Variants in ZNF385D observed in about 807,000 individuals in gnomAD.
ZNF385D encodes zinc finger protein 385D, also known as zinc finger protein 659.
A neutral mutation model predicts 35.8 loss-of-function variants in ZNF385D; 15 were observed. The ratio of observed to expected loss-of-function variants is 0.42; its 90% CI spans 0.28 to 0.64. The LOEUF (loss-of-function observed/expected upper bound fraction) is 0.64. Ranked by LOEUF, ZNF385D falls within the 30% of genes least tolerant of loss-of-function variation. ZNF385D has a pLI of 0.23. For missense variants in ZNF385D, 474 were observed against 494.6 expected (o/e 0.96, Z 0.39); for synonymous variants, 212 against 186.8 (o/e 1.13, Z -1.10).
chr3:21,762,030 C>T (rs1338143965), intron 3 of ZNF385D, among the ~76,000 whole-genome samples: 1 of 151,764 alleles, frequency 6.6e-6, no homozygotes. Flanking sequence ...AAGCATGCAC[C>T]ACCATGCCCA....
intron 2 of ZNF385D, among the ~76,000 whole-genome samples, chr3:22,235,885 A>G (rs192063797): frequency 6.6e-6 from 1 of 152,226 alleles, no homozygotes; most frequent in Non-Finnish European, 1.5e-5. Flanking sequence ...TGTTCGACAA[A>G]TAAAAAGTAA....
chr3:21,801,662 G>C lies in ZNF385D; in HGVS notation c.326-136634C>G, dbSNP rs146294891. 7.1e-3 allele frequency among the ~76,000 whole-genome samples: 1,084 copies of C among 152,150 alleles called. 19 individuals carry two copies. Among genetic ancestry groups the C allele is most frequent in the African/African-American group, 0.025 (1,038 of 41,506 alleles). On this transcript the variant is annotated intron_variant, in intron 3 of 5. Transcript: ENST00000494108. Reference sequence around the variant, plus strand: ...AGGAAAACTACAAAGGAATAAAATGGGAGCTAAACTCACGCAGCTGATATG... The same window carrying C: ...AGGAAAACTACAAAGGAATAAAATGCGAGCTAAACTCACGCAGCTGATATG...
chr3:21,701,428 C>T (rs1310677207), intron 1 of ZNF385D, among the ~76,000 whole-genome samples: 2 of 152,130 alleles, frequency 1.3e-5, no homozygotes, highest in Non-Finnish European at 2.9e-5. Context: ...TTACCTCCCC[C>T]TGGGTCCCTC....
At chr3:22,062,692 G>T (rs1699753141) in intron 3 of ZNF385D, among the ~76,000 whole-genome samples, 1 of 152,160 alleles carries the variant, frequency 6.6e-6, no homozygotes, top group Non-Finnish European at 1.5e-5. Context: ...TGCTTTTCAG[G>T]AGTAGAGTGT....
chr3:21,543,483 G>T (rs2062255540), intron 3 of ZNF385D, among the ~76,000 whole-genome samples: 1 of 152,118 alleles, frequency 6.6e-6, no homozygotes, highest in African/African-American at 2.4e-5. Context: ...CCCACTCCTT[G>T]CGGGGCTGGG....
At chr3:22,311,715 T>C (rs1251039406) in intron 2 of ZNF385D, among the ~76,000 whole-genome samples, 1 of 152,120 alleles carries the variant, frequency 6.6e-6, no homozygotes, top group Non-Finnish European at 1.5e-5. Context: ...ATTCACGCTT[T>C]GCTCTCATCT....
chr3:21,686,951 C>A (rs1320460804), intron 1 of ZNF385D, among the ~76,000 whole-genome samples: 1 of 152,160 alleles, frequency 6.6e-6, no homozygotes, highest in African/African-American at 2.4e-5. Context: ...TTTTCCCATC[C>A]TATGAGTTAT....
intron 3 of ZNF385D, among the ~76,000 whole-genome samples, chr3:21,796,610 ATAAAC>A (rs2072164722): frequency 6.6e-6 from 1 of 152,230 alleles, no homozygotes; most frequent in Admixed American, 6.5e-5. Context: ...TTTCACAAAA[ATAAAC>A]TAAAGGTGGA....
At chr3:21,572,685 A>G (rs1028866570) in intron 2 of ZNF385D, among the ~76,000 whole-genome samples, 1 of 152,172 alleles carries the variant, frequency 6.6e-6, no homozygotes, top group Admixed American at 6.6e-5. Flanking sequence ...TGTTATAGGA[A>G]TGTCAGCTCT....
chr3:21,471,657 C>A (rs1016850810), intron 4 of ZNF385D, among the ~76,000 whole-genome samples: 24 of 152,178 alleles, frequency 1.6e-4, no homozygotes, highest in African/African-American at 5.5e-4. Flanking sequence ...AGTTAAACAT[C>A]AAAATATTTT....
At chr3:22,231,164 A>G (rs1312199523) in intron 2 of ZNF385D, among the ~76,000 whole-genome samples, 1 of 152,180 alleles carries the variant, frequency 6.6e-6, no homozygotes, top group African/African-American at 2.4e-5. Context: ...AAATAGCCAA[A>G]AAGTGCAATT....
At chr3:22,251,120 A>G (rs902860209) in intron 2 of ZNF385D, among the ~76,000 whole-genome samples, 1 of 152,082 alleles carries the variant, frequency 6.6e-6, no homozygotes, top group Admixed American at 6.6e-5. Context: ...TTAGGAAAAA[A>G]TTTTCCACCA....
At position 21,418,138 on chromosome 3, in the gene ZNF385D, A is replaced by G. The variant is rs1018367268; in HGVS notation, c.*3076T>C. ...TTTCCAGAGGCATTTGGCTTCTGCA[A>G]TGCATTTATATTTGTTTCAAATGAA... On this transcript the variant is annotated 3_prime_UTR_variant, in exon 8 of 8. Coordinates refer to ENST00000281523, the MANE Select transcript of ZNF385D (RefSeq NM_024697.3). 9 of 152,128 alleles carry G rather than the reference A, an allele frequency of 5.9e-5. No homozygotes were observed. Among genetic ancestry groups the G allele is most frequent in the African/African-American group, 2.2e-4 (9 of 41,462 alleles). 9.4% of individuals were successfully genotyped at this position (152,128 alleles called of 1,614,324 possible). A position where few individuals can be genotyped will look rare whatever the true frequency, so the allele number is the denominator to read the frequency against.
At chr3:22,123,800 T>G (rs1354925262) in intron 3 of ZNF385D, among the ~76,000 whole-genome samples, 2 of 151,918 alleles carry the variant, frequency 1.3e-5, no homozygotes, top group Admixed American at 6.6e-5. Flanking sequence ...AGGCGGAGGT[T>G]GCAGGGAACT....
chr3:22,196,512 GT>G (rs1472750719), intron 2 of ZNF385D, among the ~76,000 whole-genome samples: 2 of 151,260 alleles, frequency 1.3e-5, no homozygotes, highest in Admixed American at 1.3e-4. Context: ...GAACTATTTT[GT>G]TTTTATTGCA....
At chr3:22,013,465 T>C (rs958216470) in intron 3 of ZNF385D, among the ~76,000 whole-genome samples, 2 of 152,150 alleles carry the variant, frequency 1.3e-5, no homozygotes, top group Admixed American at 1.3e-4. Flanking sequence ...GTAAAATATT[T>C]ATATTTATTG....
Position 21,412,911 on chromosome 3 carries a change from G to A in ZNF385D, c.*8303C>T, listed in dbSNP as rs1297439280. 3 of 151,888 alleles carry A rather than the reference G, an allele frequency of 2.0e-5. No individual in the cohort carries two copies. The highest frequency in any genetic ancestry group is 4.4e-5 in the Non-Finnish European group (3 of 67,934). 9.4% of individuals were successfully genotyped at this position (151,888 alleles called of 1,614,324 possible). ...GTGGGGGAAATTATTGGCATATGGG[G>A]GATTTTATCACATATCATGTAGGGT... On this transcript the variant is annotated 3_prime_UTR_variant, in exon 8 of 8. Coordinates refer to ENST00000281523, the MANE Select transcript of ZNF385D (RefSeq NM_024697.3).
At chr3:22,035,458 T>C (rs948030729) in intron 3 of ZNF385D, among the ~76,000 whole-genome samples, 1 of 152,182 alleles carries the variant, frequency 6.6e-6, no homozygotes, top group African/African-American at 2.4e-5. Context: ...GCCCAGAGCA[T>C]AACAGAACAC....
At chr3:21,514,508 C>G (rs1334024768) in intron 3 of ZNF385D, among the ~76,000 whole-genome samples, 1 of 152,078 alleles carries the variant, frequency 6.6e-6, no homozygotes, top group East Asian at 1.9e-4. Context: ...TGTAACGTAA[C>G]TTGATGTGTA....
Sources: gnomAD v4.1 joint callset for allele counts (sites outside exome capture counted in the v4.1 genomes callset) on GRCh38, gnomAD v4.1.1 for gene constraint, MANE v1.5 for transcripts, NCBI Gene and HGNC (gene_info 2026-07-23, HGNC 2026-07-21) for gene names.